The following NTN1 variants were observed in gnomAD, a reference collection of about 807,000 sequenced individuals.
NTN1 encodes the protein netrin-1.
In NTN1, 11 loss-of-function variants were observed where a neutral mutation model predicts 54.2. The ratio of observed to expected loss-of-function variants is 0.20; its 90% CI spans 0.13 to 0.34. The LOEUF is 0.34. Among genes scored for constraint, NTN1 ranks in the 10% least tolerant of loss-of-function variants. NTN1 has a pLI of 1.00. For synonymous variants in NTN1, 371 were observed against 382.0 expected, an observed-to-expected ratio of 0.97 and a Z score of 0.33; for missense variants, 740 against 893.1, an observed-to-expected ratio of 0.83 and a Z score of 2.18.
At chr17:9,053,957 T>C (rs1327362044) in intron 2 of NTN1, among the ~76,000 whole-genome samples, 2 of 152,168 alleles carry the variant, frequency 1.3e-5, no homozygotes, top group Non-Finnish European at 2.9e-5. Context: ...CTCAAGGACA[T>C]GTGCTTGAGT....
intron 5 of NTN1, among the ~76,000 whole-genome samples, chr17:9,217,896 C>T (rs1346308729): frequency 2.0e-5 from 3 of 148,482 alleles, no homozygotes; most frequent in Non-Finnish European, 3.0e-5. Context: ...ACTCCAAATG[C>T]TCAGAGGGTG....
In NTN1 at chr17:9,239,926, GT is replaced by G; in HGVS notation, c.1775del (p.Phe592SerfsTer101). ...ACACGTGGGCGCGGCGGCTGCGCAA[GT>G]TCCAGCAGCGTGAGAAGAAGGGCAA... ...RDTWARRLRKFQQREKKGKCK... is the reference protein window; with the variant it reads ...RDTWARRLRKXQQREKKGKCK... On this transcript the variant is annotated frameshift_variant, in exon 7 of 7. Coordinates refer to ENST00000173229, the MANE Select transcript of NTN1 (RefSeq NM_004822.3). LOFTEE classifies it high-confidence loss of function. The surrounding 1 kb of genome is among the most constrained non-coding windows in gnomAD (Gnocchi z 5.2). 7.2e-7 allele frequency: 1 copy of G among 1,381,762 alleles called. No homozygotes were observed. The highest frequency in any genetic ancestry group is 9.6e-7 in the Non-Finnish European group (1 of 1,039,480). 85.6% of individuals were successfully genotyped at this position (1,381,762 alleles called of 1,614,324 possible).
intron 2 of NTN1, among the ~76,000 whole-genome samples, chr17:9,106,681 T>C (rs955561158): frequency 1.3e-5 from 2 of 152,008 alleles, no homozygotes; most frequent in African/African-American, 4.8e-5. Context: ...GCCCGGCTAA[T>C]TTTTGTATTT....
intron 2 of NTN1, among the ~76,000 whole-genome samples, chr17:9,127,053 G>T (rs1400561278): frequency 7.3e-6 from 1 of 136,486 alleles, no homozygotes; most frequent in Non-Finnish European, 1.6e-5. Context: ...GTGGGCAGGA[G>T]TGAGATTGTG....
At chr17:9,034,431 C>CT (rs34134457) in intron 2 of NTN1, among the ~76,000 whole-genome samples, 4 of 145,464 alleles carry the variant, frequency 2.7e-5, no homozygotes, top group Non-Finnish European at 4.5e-5. Context: ...TTTTCTTTTT[C>CT]TTTTTTTTTA....
At chr17:9,174,989 G>A (rs2092396299) in intron 3 of NTN1, 1 of 152,364 alleles carries the variant, frequency 6.6e-6, no homozygotes, top group South Asian at 2.1e-4. Flanking sequence ...CGTGGCCTTG[G>A]ATCACTGCCA....
chr17:9,136,213 A>G (rs2092280716), intron 2 of NTN1, among the ~76,000 whole-genome samples: 1 of 152,188 alleles, frequency 6.6e-6, no homozygotes, highest in Non-Finnish European at 1.5e-5. Context: ...AAACCAAACC[A>G]AACGGAGCCT....
chr17:9,235,978 C>T (rs1359480788), intron 6 of NTN1, among the ~76,000 whole-genome samples: 1 of 152,156 alleles, frequency 6.6e-6, no homozygotes, highest in African/African-American at 2.4e-5. Context: ...GCTGGGATTA[C>T]AGGCGTGAGC....
chr17:9,119,791 C>A (rs952958683), intron 2 of NTN1, among the ~76,000 whole-genome samples: 6 of 152,150 alleles, frequency 3.9e-5, no homozygotes, highest in Non-Finnish European at 5.9e-5. Flanking sequence ...AGCCGCTGTG[C>A]CTGGCCTGGC....
intron 2 of NTN1, among the ~76,000 whole-genome samples, chr17:9,066,441 A>T (rs892814642): frequency 6.6e-5 from 10 of 151,684 alleles, no homozygotes; most frequent in African/African-American, 2.2e-4. Context: ...AGCCTGGCCA[A>T]TATGGTGAAA....
Position 9,210,436 on chromosome 17 carries a change from C to CA in NTN1, c.1412-10732_1412-10731insA, listed in dbSNP as rs1567739702. Among the ~76,000 whole-genome samples the CA allele has an allele frequency of 3.5e-4, 50 of 143,736 alleles. 1 individual carries two copies. In the South Asian group the frequency reaches 6.2e-3, roughly 18 times the overall value. The allele number at this position is 143,736 out of a possible 152,430, so 94.3% of individuals were successfully genotyped here. A position where few individuals can be genotyped will look rare whatever the true frequency, so the allele number is the denominator to read the frequency against. On this transcript the variant is annotated intron_variant, in intron 5 of 6. Transcript: ENST00000173229. ...CATGTGCGTGCACACACACACACACCCCCACACCCACACACACACACACAC... is the reference window on the plus strand; with the variant it reads ...CATGTGCGTGCACACACACACACACCACCCACACCCACACACACACACACAC...
chr17:9,227,001 G>A (rs3785991), intron 6 of NTN1, among the ~76,000 whole-genome samples: 44,879 of 151,710 alleles, frequency 0.3, 6,932 homozygotes, highest in African/African-American at 0.39. Context: ...CTTCCTTGGC[G>A]GAGCCCCTCT....
At chr17:9,198,715 C>T (rs1400863288) in intron 5 of NTN1, among the ~76,000 whole-genome samples, 3 of 152,184 alleles carry the variant, frequency 2.0e-5, no homozygotes, top group African/African-American at 7.2e-5. Flanking sequence ...AGACCAGAGA[C>T]CAAGGGGAAC....
At chr17:9,199,535 A>C (rs1221034452) in intron 5 of NTN1, among the ~76,000 whole-genome samples, 10 of 152,242 alleles carry the variant, frequency 6.6e-5, no homozygotes, top group African/African-American at 2.4e-4. Context: ...CCCTTTCATC[A>C]CATGGCTCTG....
intron 3 of NTN1, among the ~76,000 whole-genome samples, chr17:9,170,330 A>G (rs2092384064): frequency 6.6e-6 from 1 of 152,232 alleles, no homozygotes; most frequent in South Asian, 2.1e-4. Flanking sequence ...TGTGCAAGTC[A>G]GAGAAAACAG....
At chr17:9,168,254 C>T (rs901264217) in intron 3 of NTN1, among the ~76,000 whole-genome samples, 1 of 152,144 alleles carries the variant, frequency 6.6e-6, no homozygotes, top group South Asian at 2.1e-4. Flanking sequence ...AAATCCTGGC[C>T]GGGCACGGTG....
At chr17:9,080,381 TGTTAGAGTTAAGAG>T (rs2092066764) in intron 2 of NTN1, among the ~76,000 whole-genome samples, 1 of 152,252 alleles carries the variant, frequency 6.6e-6, no homozygotes, top group African/African-American at 2.4e-5. Flanking sequence ...TCCCATTCAC[TGTTAGAGTTAAGAG>T]GTGGATGGTT....
intron 6 of NTN1, among the ~76,000 whole-genome samples, chr17:9,232,976 A>G (rs1445838964): frequency 1.3e-5 from 2 of 151,956 alleles, no homozygotes; most frequent in South Asian, 2.1e-4. Context: ...TGGGGTTCCT[A>G]TTCTCCCCCT....
At chr17:9,188,444 G>C (rs11078790) in intron 5 of NTN1, among the ~76,000 whole-genome samples, 2 of 44,742 alleles carry the variant, frequency 4.5e-5, no homozygotes, top group Admixed American at 6.5e-4. Flanking sequence ...AAAAAAAAAA[G>C]AGTGCTAAAT....
Sources: gnomAD v4.1 joint callset for allele counts (sites outside exome capture counted in the v4.1 genomes callset) on GRCh38, gnomAD v4.1.1 for gene constraint, Gnocchi (gnomAD v3.1) non-coding constraint, MANE v1.5 for transcripts, NCBI Gene and HGNC (gene_info 2026-07-23, HGNC 2026-07-21) for gene names.